SLC12A4: variants seen among roughly 807,000 people sequenced by gnomAD.
SLC12A4 encodes the protein solute carrier family 12 member 4.
In SLC12A4, 84 loss-of-function variants were observed where a neutral mutation model predicts 119.2. That is an observed-to-expected ratio of 0.70 (90% CI 0.59 to 0.85). The LOEUF (loss-of-function observed/expected upper bound fraction) is 0.85, where lower values mean the gene tolerates loss of function less well. Among genes scored for constraint, SLC12A4 ranks in the 40% least tolerant of loss-of-function variants. SLC12A4 has a pLI of 0.00. For synonymous variants in SLC12A4, 599 were observed against 604.6 expected, an observed-to-expected ratio of 0.99 and a Z score of 0.14; for missense variants, 1,298 against 1,476.3, an observed-to-expected ratio of 0.88 and a Z score of 1.98.
At position 67,944,728 on chromosome 16, in the gene SLC12A4, G is replaced by T; in HGVS notation, c.*112C>A. On this transcript the variant is annotated 3_prime_UTR_variant, in exon 24 of 24. Coordinates refer to ENST00000316341, the MANE Select transcript of SLC12A4 (RefSeq NM_005072.5). The surrounding 1 kb of genome is among the most constrained non-coding windows in gnomAD (Gnocchi z 6.6). The stretch of plus-strand genomic sequence containing the variant: ...CTAGCAAAGCTGGGTCCAGGACAGG[G>T]CCAGGCAAGCAGGGCTGGCAGGTGG... 1 of 1,488,010 alleles carries T rather than the reference G, an allele frequency of 6.7e-7. No homozygotes were observed. Among genetic ancestry groups the T allele is most frequent in the Non-Finnish European group, 8.9e-7 (1 of 1,119,702 alleles). The allele number at this position is 1,488,010 out of a possible 1,614,324, so 92.2% of individuals were successfully genotyped here. A position where few individuals can be genotyped will look rare whatever the true frequency, so the allele number is the denominator to read the frequency against.
intron 7 of SLC12A4, 25 bp from the exon 8 acceptor site, chr16:67,952,062 C>T (rs374821462): frequency 1.2e-5 from 19 of 1,611,090 alleles, no homozygotes; most frequent in Non-Finnish European, 1.6e-5. Context: ...AGCACCGGCA[C>T]CTGCTCAGGT....
Position 67,944,526 on chromosome 16 carries a change from C to T in SLC12A4, c.*314G>A, listed in dbSNP as rs1158012782. 10 of 1,267,254 alleles carry T rather than the reference C, an allele frequency of 7.9e-6. No homozygotes were observed. The highest frequency in any genetic ancestry group is 6.0e-5 in the African/African-American group (4 of 66,784). The allele number at this position is 1,267,254 out of a possible 1,614,324, so 78.5% of individuals were successfully genotyped here. A position where few individuals can be genotyped will look rare whatever the true frequency, so the allele number is the denominator to read the frequency against. ...CAAACAATAAATATGCAATAAATAG[C>T]GCTCCTGGGCTGGGCCGGGCCGGCT... On this transcript the variant is annotated 3_prime_UTR_variant, in exon 24 of 24. Transcript: ENST00000316341. This position sits in a 1 kb window ranked among gnomAD's most constrained non-coding sequence, Gnocchi z 6.6.
Position 67,951,342 on chromosome 16 carries a change from C to G in SLC12A4, c.1133-38G>C, listed in dbSNP as rs761187455. The G allele has an allele frequency of 1.3e-4, 202 of 1,593,410 alleles. No homozygotes were observed. The highest frequency in any genetic ancestry group is 1.6e-4 in the Non-Finnish European group (191 of 1,168,480). ...CTGTGTCACCACCACAGCTGCCCCC[C>G]ACTACCCCAGGTAGTTTGGGGCAGC... On this transcript the variant is annotated intron_variant, in intron 8 of 23. Transcript: ENST00000316341. The surrounding 1 kb of genome is among the most constrained non-coding windows in gnomAD (Gnocchi z 5.2).
At chr16:67,968,656 C>T (rs1192535312), upstream of SLC12A4, 2 of 1,284,800 alleles carry the variant, frequency 1.6e-6, no homozygotes, top group Non-Finnish European at 2.0e-6. Context: ...CGCTCGCATT[C>T]CTCCCCGCTG....
At chr16:67,952,080 C>T (rs775219857) in intron 7 of SLC12A4, 43 bp from the exon 8 acceptor site, 2 of 1,608,010 alleles carry the variant, frequency 1.2e-6, no homozygotes, top group South Asian at 1.1e-5. Context: ...GGTCAAAGCC[C>T]CTGCCTGTGC....
rs2058386442 is a variant in SLC12A4, at chr16:67,949,286, C to T, written c.1748+514G>A. 6.6e-6 allele frequency among the ~76,000 whole-genome samples: 1 copy of T among 152,092 alleles called. No individual in the cohort carries two copies. The highest frequency in any genetic ancestry group is 2.4e-5 in the African/African-American group (1 of 41,436). On this transcript the variant is annotated intron_variant, in intron 13 of 23. Transcript: ENST00000316341. The surrounding 1 kb of genome is among the most constrained non-coding windows in gnomAD (Gnocchi z 4.6). ...CCAAGATGGTAAAACGCCATCTCTA[C>T]TAAAAATACAAAAAATTAGCTGGGC...
rs1200620137 is a variant in SLC12A4 at position 67,950,802 on chromosome 16, A to G, written c.1397-91T>C. The G allele has an allele frequency of 6.6e-7, 1 of 1,507,534 alleles. No individual in the cohort carries two copies. The highest frequency in any genetic ancestry group is 9.1e-7 in the Non-Finnish European group (1 of 1,103,310). The allele number at this position is 1,507,534 out of a possible 1,614,324, so 93.4% of individuals were successfully genotyped here. ...CCCACCCCAGCCAGACTACCAGGAC[A>G]CCTACAGCTGGGAGTCTCGTGGTGT... On this transcript the variant is annotated intron_variant, in intron 10 of 23. Coordinates refer to ENST00000316341, the MANE Select transcript of SLC12A4 (RefSeq NM_005072.5). The surrounding 1 kb of genome is among the most constrained non-coding windows in gnomAD (Gnocchi z 4.3).
At chr16:67,947,214 C>A in intron 16 of SLC12A4, 109 bp from the exon 17 acceptor site, 1 of 1,494,772 alleles carries the variant, frequency 6.7e-7, no homozygotes, top group South Asian at 1.2e-5. Flanking sequence ...GGTAGCATGG[C>A]CCAGGAGGGT....
rs759801593 is a variant in SLC12A4 at position 67,950,629 on chromosome 16, A to G, written c.1454+25T>C. 306 of 1,610,544 alleles carry G rather than the reference A, an allele frequency of 1.9e-4. No individual in the cohort carries two copies. Among genetic ancestry groups the G allele is most frequent in the Non-Finnish European group, 2.5e-4 (297 of 1,178,546 alleles). Reference sequence around the variant, plus strand: ...GGCAGGCCAAAGCCCAGCCGCTGCTAAAGAGGGGGGCCCAGCTCACTCACT... The same window carrying G: ...GGCAGGCCAAAGCCCAGCCGCTGCTGAAGAGGGGGGCCCAGCTCACTCACT... On this transcript the variant is annotated intron_variant, in intron 11 of 23. Transcript: ENST00000316341. This position sits in a 1 kb window ranked among gnomAD's most constrained non-coding sequence, Gnocchi z 4.3.
intron 3 of SLC12A4, among the ~76,000 whole-genome samples, chr16:67,959,558 A>T (rs1201734035): frequency 6.6e-6 from 1 of 152,180 alleles, no homozygotes; most frequent in Non-Finnish European, 1.5e-5. Context: ...CAGCAAAAAC[A>T]AATGGCTCCT....
At chr16:67,957,493 T>TA (rs2030331617) in intron 5 of SLC12A4, 2 of 529,372 alleles carry the variant, frequency 3.8e-6, no homozygotes, top group South Asian at 2.2e-5. Flanking sequence ...CAAACCCTCT[T>TA]ACAGTAAACA....
At chr16:67,963,806 AGGCGCCC>A in intron 1 of SLC12A4, 1 of 1,302,684 alleles carries the variant, frequency 7.7e-7, no homozygotes, top group Non-Finnish European at 1.0e-6. Context: ...GTGAGGGCGC[AGGCGCCC>A]TAGCACAAGC....
chr16:67,965,423 T>A (rs1192758337), intron 1 of SLC12A4, among the ~76,000 whole-genome samples: 1 of 152,228 alleles, frequency 6.6e-6, no homozygotes, highest in Non-Finnish European at 1.5e-5. Flanking sequence ...ATCTCCAAGC[T>A]AAATTTACTC....
Position 67,944,310 on chromosome 16 carries a change from A to G in SLC12A4, c.*530T>C, listed in dbSNP as rs1169902828. On this transcript the variant is annotated 3_prime_UTR_variant, in exon 24 of 24. Transcript: ENST00000316341. The surrounding 1 kb of genome is among the most constrained non-coding windows in gnomAD (Gnocchi z 6.6). ...CTTCTCTTGGCGCCAGGGGAAACAG[A>G]GCCGGGGCAGCAGGAGGCCCAGAAC... 7.1e-7 allele frequency: 1 copy of G among 1,400,950 alleles called. No homozygotes were observed. Among genetic ancestry groups the G allele is most frequent in the Admixed American group, 2.9e-5 (1 of 33,980 alleles). 86.8% of individuals were successfully genotyped at this position (1,400,950 alleles called of 1,614,324 possible). A position where few individuals can be genotyped will look rare whatever the true frequency, so the allele number is the denominator to read the frequency against.
intron 5 of SLC12A4, chr16:67,957,513 C>CTTTTTTTTTTTTTTT: frequency 1.8e-6 from 1 of 562,934 alleles, no homozygotes; most frequent in Non-Finnish European, 3.2e-6. Flanking sequence ...ATACATTGCC[C>CTTTTTTTTTTTTTTT]TTTTTTTTTC....
chr16:67,955,152 T>G (rs1252556392), intron 5 of SLC12A4, among the ~76,000 whole-genome samples: 2 of 152,252 alleles, frequency 1.3e-5, no homozygotes, highest in East Asian at 3.8e-4. Context: ...TTTGTTAGTC[T>G]GACTCCTCCA....
In SLC12A4 at chr16:67,943,965, G is replaced by T; in HGVS notation, c.*875C>A. 6.5e-7 allele frequency: 1 copy of T among 1,547,920 alleles called. No individual in the cohort carries two copies. Among genetic ancestry groups the T allele is most frequent in the East Asian group, 2.4e-5 (1 of 40,854 alleles). On this transcript the variant is annotated 3_prime_UTR_variant, in exon 24 of 24. Coordinates refer to ENST00000316341, the MANE Select transcript of SLC12A4 (RefSeq NM_005072.5). This position sits in a 1 kb window ranked among gnomAD's most constrained non-coding sequence, Gnocchi z 4.6. ...GGGCTTACCGAGGATGACGGGCCGT[G>T]TGTGGTTACTGAGCTCAGCCTTGGG...
chr16:67,943,550 T>G lies in SLC12A4; in HGVS notation c.*1290A>C. Reference sequence around the variant, plus strand: ...CTGGGGGCATGGGGGCTGGGCCTAATAGGGGCCGGGCATGGATGGGCCTCT... The same window carrying G: ...CTGGGGGCATGGGGGCTGGGCCTAAGAGGGGCCGGGCATGGATGGGCCTCT... On this transcript the variant is annotated 3_prime_UTR_variant, in exon 24 of 24. Coordinates refer to ENST00000316341, the MANE Select transcript of SLC12A4 (RefSeq NM_005072.5). The surrounding 1 kb of genome is among the most constrained non-coding windows in gnomAD (Gnocchi z 4.6). The G allele has an allele frequency of 2.0e-6, 1 of 495,076 alleles. No individual in the cohort carries two copies. The allele number at this position is 495,076 out of a possible 1,614,324, so 30.7% of individuals were successfully genotyped here. A position where few individuals can be genotyped will look rare whatever the true frequency, so the allele number is the denominator to read the frequency against.
In SLC12A4 at chr16:67,951,511, C is replaced by T; in HGVS notation, c.1133-207G>A. Reference sequence around the variant, plus strand: ...AGTCGACAGACAAAGGTGGCTGAACCACCGTCACCCAGAGCCCGCCACTGC... The same window carrying T: ...AGTCGACAGACAAAGGTGGCTGAACTACCGTCACCCAGAGCCCGCCACTGC... On this transcript the variant is annotated intron_variant, in intron 8 of 23. Transcript: ENST00000316341. The surrounding 1 kb of genome is among the most constrained non-coding windows in gnomAD (Gnocchi z 5.2). 1.6e-6 allele frequency: 1 copy of T among 638,474 alleles called. No homozygotes were observed. The highest frequency in any genetic ancestry group is 2.7e-6 in the Non-Finnish European group (1 of 373,814). 39.6% of individuals were successfully genotyped at this position (638,474 alleles called of 1,614,324 possible).
Sources: gnomAD v4.1 joint callset for allele counts (sites outside exome capture counted in the v4.1 genomes callset) on GRCh38, gnomAD v4.1.1 for gene constraint, Gnocchi (gnomAD v3.1) non-coding constraint, MANE v1.5 for transcripts, NCBI Gene and HGNC (gene_info 2026-07-23, HGNC 2026-07-21) for gene names.